ATP9B: variants seen among roughly 807,000 people sequenced by gnomAD.
ATP9B encodes probable phospholipid-transporting ATPase IIB.
Under a neutral mutation model 146.1 loss-of-function variants are expected in ATP9B, and 110 were observed. The ratio of observed to expected loss-of-function variants is 0.75; its 90% CI spans 0.65 to 0.88. ATP9B has a LOEUF of 0.88. Among genes scored for constraint, ATP9B ranks in the 40% least tolerant of loss-of-function variants. The pLI is 0.00. For synonymous variants in ATP9B, 604 were observed against 569.7 expected (o/e 1.06, Z -0.86); for missense variants, 1,499 against 1,496.4 (o/e 1.00, Z -0.03).
intron 10 of ATP9B, among the ~76,000 whole-genome samples, chr18:79,212,536 C>T (rs1347361555): frequency 6.6e-6 from 1 of 152,092 alleles, no homozygotes; most frequent in Non-Finnish European, 1.5e-5. Context: ...TGCAGTTTGC[C>T]TTCTTACATC....
chr18:79,118,002 G>A (rs919943697), intron 4 of ATP9B: 1 of 152,022 alleles, frequency 6.6e-6, no homozygotes, highest in Non-Finnish European at 1.5e-5. Flanking sequence ...CTTAACATTT[G>A]TTTATAAAAT....
chr18:79,254,197 G>A (rs1406600576), intron 12 of ATP9B: 2 of 152,338 alleles, frequency 1.3e-5, no homozygotes, highest in Non-Finnish European at 2.9e-5. Flanking sequence ...GATAAAGTAT[G>A]AATCTAGAAT....
chr18:79,217,666 C>G (rs1427114531), intron 11 of ATP9B, among the ~76,000 whole-genome samples: 1 of 152,160 alleles, frequency 6.6e-6, no homozygotes, highest in Admixed American at 6.5e-5. Context: ...GGTATTGATA[C>G]ATGTTGAATG....
intron 7 of ATP9B, among the ~76,000 whole-genome samples, chr18:79,170,781 A>G (rs1470650590): frequency 6.6e-6 from 1 of 152,232 alleles, no homozygotes; most frequent in African/African-American, 2.4e-5. Context: ...CTACTTGATT[A>G]TAAGCATTCG....
rs778312002 is a variant in ATP9B, at chr18:79,374,044, G to A, written c.3217G>A (p.Glu1073Lys). Residue 1073 changes from glutamate to lysine, a missense_variant, in exon 28 of 30, where the codon GAG becomes AAG. Glu to Lys is a moderately conservative substitution (Grantham distance 56). Transcript: ENST00000426216. ...GTGGCACTGGCTGATGGTGGTGGCC[G>A]AGTTCCTCAGCTTAGGCTGCTACGT... ...RTWHWLMVVA[E>K]FLSLGCYVSS... is the part of the protein sequence containing the mutation. The A allele has an allele frequency of 1.2e-5, 20 of 1,614,196 alleles. No individual in the cohort carries two copies. Among genetic ancestry groups the A allele is most frequent in the Middle Eastern group, 1.7e-4 (1 of 6,058 alleles).
At chr18:79,233,147 C>A (rs2095807985) in intron 11 of ATP9B, among the ~76,000 whole-genome samples, 1 of 151,888 alleles carries the variant, frequency 6.6e-6, no homozygotes. Flanking sequence ...CAAAAATTAG[C>A]CAGGTGAAGT....
chr18:79,172,501 G>A lies in ATP9B; in HGVS notation c.779-4312G>A, dbSNP rs183928283. Among the ~76,000 whole-genome samples, 260 of 106,868 alleles carry A rather than the reference G, an allele frequency of 2.4e-3. 7 individuals are homozygous for A. Among genetic ancestry groups the A allele is most frequent in the Middle Eastern group, 4.3e-3 (1 of 230 alleles). 70.1% of individuals were successfully genotyped at this position (106,868 alleles called of 152,430 possible). On this transcript the variant is annotated intron_variant, in intron 7 of 29. Transcript: ENST00000426216. ...GCCTCCCAAGGTGCTGTGATTACAG[G>A]CGTGAGCCACCGTGCCCCGCCCTTG...
At chr18:79,273,278 C>T (rs2096274867) in intron 12 of ATP9B, among the ~76,000 whole-genome samples, 2 of 152,100 alleles carry the variant, frequency 1.3e-5, no homozygotes, top group Admixed American at 6.5e-5. Flanking sequence ...AACTAGGCCT[C>T]GACATTTTGG....
At chr18:79,245,961 ACCCTACTGACTGCGGAGGGCACCG>A (rs1254441129) in intron 11 of ATP9B, among the ~76,000 whole-genome samples, 5,746 of 123,894 alleles carry the variant, frequency 0.046, 150 homozygotes, top group African/African-American at 0.064. Flanking sequence ...GGAGGGCACC[ACCCTACTGACTGCGGAGGGCACCG>A]CCCTACTGTC....
intron 10 of ATP9B, chr18:79,209,544 TCA>T: frequency 2.1e-6 from 1 of 474,650 alleles, no homozygotes; most frequent in Non-Finnish European, 2.8e-6. Flanking sequence ...TCTCCTGACC[TCA>T]GTTCTCTTGA....
At chr18:79,329,357 CT>C in intron 16 of ATP9B, 55 bp downstream of exon 16, 1 of 1,450,158 alleles carries the variant, frequency 6.9e-7, no homozygotes. Context: ...GTTTTCACAC[CT>C]TTTAAACACA....
chr18:79,253,541 G>A lies in ATP9B; in HGVS notation c.1268G>A (p.Ser423Asn). The A allele has an allele frequency of 6.3e-7, 1 of 1,574,872 alleles. No homozygotes were observed. The highest frequency in any genetic ancestry group is 2.3e-5 in the East Asian group (1 of 43,422). ...CTCTTTTCTTACATCATTCCCATAA[G>A]GTAAGTTTAAAAATGAAAATAAAAC... ...LLLFSYIIPI[S>N]LRVNLDMGKA... Residue 423 changes from serine to asparagine, a missense_variant and splice_region_variant, in exon 12 of 30, where the codon AGT becomes AAT. Transcript: ENST00000426216.
chr18:79,126,337 A>G lies in ATP9B; in HGVS notation c.629A>G (p.Glu210Gly). The G allele has an allele frequency of 1.2e-6, 2 of 1,612,068 alleles. No homozygotes were observed. The highest frequency in any genetic ancestry group is 2.2e-5 in the South Asian group (2 of 90,892). The change falls in exon 5 of 30, where the codon GAA (glutamate) becomes GGA (glycine). Residue 210 changes from glutamate (E) to glycine (G), a missense_variant. Coordinates refer to ENST00000426216, the MANE Select transcript of ATP9B (RefSeq NM_198531.5). ...TTTCGGCGTTTTCAGCGTGACAAGG[A>G]AGTGAATTCACAACTATATAGCAAG... ...DEFRRFQRDKEVNSQLYSKLT... is the reference protein window; with the variant it reads ...DEFRRFQRDKGVNSQLYSKLT...
At chr18:79,358,580 C>T (rs1600350797) in intron 25 of ATP9B, among the ~76,000 whole-genome samples, 1 of 10,272 alleles carries the variant, frequency 9.7e-5, no homozygotes, top group Non-Finnish European at 1.6e-4. Context: ...TGTGAGGGAC[C>T]CTGTGTGAGG....
At chr18:79,166,401 A>G (rs952536205) in intron 7 of ATP9B, among the ~76,000 whole-genome samples, 1 of 152,150 alleles carries the variant, frequency 6.6e-6, no homozygotes, top group African/African-American at 2.4e-5. Context: ...GCCAGAGCCC[A>G]CTGACCCAAG....
chr18:79,125,529 T>C (rs900529242), intron 4 of ATP9B, among the ~76,000 whole-genome samples: 4 of 152,228 alleles, frequency 2.6e-5, no homozygotes, highest in African/African-American at 4.8e-5. Context: ...TCCAGTGTTC[T>C]GTTATTTACA....
chr18:79,372,655 C>T (rs767958545), intron 26 of ATP9B, 170 bp from the exon 27 acceptor site: 14 of 682,492 alleles, frequency 2.1e-5, no homozygotes, highest in African/African-American at 1.4e-4. Context: ...CTTCAGGATT[C>T]GGGTGTCAGG....
At chr18:79,322,088 T>TG (rs1343151336) in intron 15 of ATP9B, among the ~76,000 whole-genome samples, 1 of 152,206 alleles carries the variant, frequency 6.6e-6, no homozygotes, top group Non-Finnish European at 1.5e-5. Flanking sequence ...GTGGTAGTCC[T>TG]GGCTGACCCC....
chr18:79,187,339 G>T (rs1335919776), intron 8 of ATP9B, among the ~76,000 whole-genome samples: 1 of 152,146 alleles, frequency 6.6e-6, no homozygotes, highest in Non-Finnish European at 1.5e-5. Context: ...TGATACGTGG[G>T]TTCCAGTGAC....
Sources: gnomAD v4.1 joint callset for allele counts (sites outside exome capture counted in the v4.1 genomes callset) on GRCh38, gnomAD v4.1.1 for gene constraint, MANE v1.5 for transcripts, NCBI Gene and HGNC (gene_info 2026-07-23, HGNC 2026-07-21) for gene names.